Variants in ZMYND11 observed in about 807,000 individuals in gnomAD.
The protein encoded by ZMYND11 is zinc finger MYND domain-containing protein 11.
A neutral mutation model predicts 84.9 loss-of-function variants in ZMYND11; 9 were observed. That is an observed-to-expected ratio of 0.11 (90% CI 0.06 to 0.18). ZMYND11 has a LOEUF of 0.18. ZMYND11 is among the 10% of genes least tolerant of loss of function. ZMYND11 has a pLI of 1.00. For synonymous variants in ZMYND11, 250 were observed against 244.1 expected (o/e 1.02, Z -0.23); for missense variants, 409 against 761.0 (o/e 0.54, Z 5.44).
intron 2 of ZMYND11, among the ~76,000 whole-genome samples, chr10:195,131 CTG>C (rs1320005670): frequency 6.6e-6 from 1 of 152,164 alleles, no homozygotes; most frequent in African/African-American, 2.4e-5. Context: ...TACTGCAAAA[CTG>C]AAATAATAGC....
intron 1 of ZMYND11, among the ~76,000 whole-genome samples, chr10:179,138 G>C (rs1043700017): frequency 6.6e-6 from 1 of 152,142 alleles, no homozygotes; most frequent in Non-Finnish European, 1.5e-5. Flanking sequence ...CCCAATGCTA[G>C]GATTCATGAC....
intron 2 of ZMYND11, among the ~76,000 whole-genome samples, chr10:199,386 T>A (rs1434134524): frequency 6.7e-6 from 1 of 150,318 alleles, no homozygotes; most frequent in Non-Finnish European, 1.5e-5. Context: ...TGTATATGCA[T>A]ATATAATTTT....
Position 215,386 on chromosome 10 carries a change from A to T in ZMYND11, c.276+5338A>T, listed in dbSNP as rs1946008956. Among the ~76,000 whole-genome samples the T allele has an allele frequency of 2.0e-5, 3 of 152,150 alleles. No homozygotes were observed. In the South Asian group the frequency reaches 6.2e-4, roughly 32 times the overall value. On this transcript the variant is annotated intron_variant, in intron 3 of 14. Coordinates refer to ENST00000381604, the MANE Select transcript of ZMYND11 (RefSeq NM_001370100.5). Reference sequence around the variant, plus strand: ...CTACCAGGTTTGGTCTCACAGCCTCATTTCCTTGTCACAGTTAATGCCAGG... The same window carrying T: ...CTACCAGGTTTGGTCTCACAGCCTCTTTTCCTTGTCACAGTTAATGCCAGG...
chr10:162,407 T>C (rs1471949197), intron 1 of ZMYND11, among the ~76,000 whole-genome samples: 1 of 152,052 alleles, frequency 6.6e-6, no homozygotes, highest in Non-Finnish European at 1.5e-5. Context: ...AAAAGGGCAG[T>C]AGACTTGCTT....
At chr10:187,109 G>T (rs992636877) in intron 2 of ZMYND11, among the ~76,000 whole-genome samples, 1 of 151,974 alleles carries the variant, frequency 6.6e-6, no homozygotes, top group African/African-American at 2.4e-5. Context: ...CGTGCCTGTA[G>T]TCTCAGCTTC....
rs116811197 is a variant in ZMYND11, at chr10:197,154, A to G, written c.117-12735A>G. Among the ~76,000 whole-genome samples, 445 of 150,858 alleles carry G rather than the reference A, an allele frequency of 2.9e-3. 2 individuals carry two copies. Among genetic ancestry groups the G allele is most frequent in the African/African-American group, 0.01 (424 of 40,678 alleles). ...GTGCACATTGTATTCATGTATGTGT[A>G]TCAATACATACGCGTGGAAAGTGGA... On this transcript the variant is annotated intron_variant, in intron 2 of 14. Transcript: ENST00000381604.
Position 210,057 on chromosome 10 carries a change from A to G in ZMYND11, c.276+9A>G. On this transcript the variant is annotated intron_variant, in intron 3 of 14. Transcript: ENST00000381604. ...TGCCAGGAGATGAGATTGTAAGTAC[A>G]TTTTATTTGATAAACATAGAGATGT... 1.9e-6 allele frequency: 3 copies of G among 1,613,686 alleles called. No individual in the cohort carries two copies. The highest frequency in any genetic ancestry group is 1.1e-5 in the South Asian group (1 of 91,052).
intron 4 of ZMYND11, among the ~76,000 whole-genome samples, chr10:226,131 T>C (rs1463759591): frequency 6.6e-6 from 1 of 152,188 alleles, no homozygotes; most frequent in African/African-American, 2.4e-5. Context: ...TACTGATCTC[T>C]TGAGAGTGCC....
chr10:206,753 T>C (rs2379078), intron 2 of ZMYND11, among the ~76,000 whole-genome samples: 44,337 of 152,102 alleles, frequency 0.29, 6,932 homozygotes, highest in East Asian at 0.48. Context: ...GTACTACGCC[T>C]TCTGTTTTTA....
intron 4 of ZMYND11, among the ~76,000 whole-genome samples, chr10:235,422 A>G (rs1342689269): frequency 6.6e-6 from 1 of 151,750 alleles, no homozygotes; most frequent in Non-Finnish European, 1.5e-5. Flanking sequence ...CCCCCACCAG[A>G]AAAAAAGATT....
At chr10:137,201 A>C (rs1217804280) in intron 1 of ZMYND11, among the ~76,000 whole-genome samples, 1 of 151,962 alleles carries the variant, frequency 6.6e-6, no homozygotes, top group Non-Finnish European at 1.5e-5. Context: ...CACAGTACCC[A>C]CTGTCATATT....
upstream of ZMYND11, among the ~76,000 whole-genome samples, chr10:133,180 C>A (rs554342032): frequency 6.6e-6 from 1 of 152,316 alleles, no homozygotes; most frequent in African/African-American, 2.4e-5. Context: ...ATTTCGCTAA[C>A]CATCAGTAGC....
In ZMYND11 at chr10:246,995, A is replaced by G. The variant is rs1259920289; in HGVS notation, c.1158+22A>G. The stretch of plus-strand genomic sequence containing the variant: ...GCAGGTGAGTGTGTCTCCGGAAGGA[A>G]GTGCCTATTCATTATTACTTTTAAA... On this transcript the variant is annotated intron_variant, in intron 11 of 14. Coordinates refer to ENST00000381604, the MANE Select transcript of ZMYND11 (RefSeq NM_001370100.5). 2.5e-6 allele frequency: 4 copies of G among 1,572,868 alleles called. No homozygotes were observed. In the African/African-American group the frequency reaches 5.4e-5, roughly 21 times the overall value.
At chr10:168,635 A>G (rs1286913390) in intron 1 of ZMYND11, among the ~76,000 whole-genome samples, 1 of 152,154 alleles carries the variant, frequency 6.6e-6, no homozygotes, top group Admixed American at 6.5e-5. Context: ...ATAAGTAACC[A>G]TGCTGTCCTA....
intron 1 of ZMYND11, chr10:148,427 TGGGAAGAAGTCCTAACTTCCTTTGCTCA>T (rs1554756011): frequency 1.3e-5 from 2 of 152,194 alleles, no homozygotes; most frequent in Non-Finnish European, 2.9e-5. Context: ...TCCTTTGCTC[TGGGAAGAAGTCCTAACTTCCTTTGCTCA>T]GGGAAGAAGT....
At chr10:198,220 C>T (rs1289118107) in intron 2 of ZMYND11, among the ~76,000 whole-genome samples, 3 of 151,898 alleles carry the variant, frequency 2.0e-5, no homozygotes, top group Admixed American at 6.6e-5. Context: ...CAAATGAAAA[C>T]TTTGCCTGTT....
intron 1 of ZMYND11, among the ~76,000 whole-genome samples, chr10:145,242 G>T (rs1838524823): frequency 6.7e-6 from 1 of 150,346 alleles, no homozygotes. Flanking sequence ...ATATGTGTGT[G>T]TATGTATATA....
intron 1 of ZMYND11, among the ~76,000 whole-genome samples, chr10:151,408 C>T (rs946557750): frequency 6.6e-5 from 10 of 152,094 alleles, no homozygotes; most frequent in African/African-American, 1.9e-4. Flanking sequence ...ATGAGAACTA[C>T]GTGACGAATG....
chr10:130,802 A>G (rs924944463), upstream of ZMYND11, among the ~76,000 whole-genome samples: 1 of 152,222 alleles, frequency 6.6e-6, no homozygotes, highest in Non-Finnish European at 1.5e-5. Flanking sequence ...GCACTAGTGC[A>G]TATTCTTCTA....
Sources: allele counts gnomAD v4.1 joint callset (sites outside exome capture counted in the v4.1 genomes callset), GRCh38; gene constraint gnomAD v4.1.1; transcripts MANE v1.5; gene names NCBI Gene and HGNC (gene_info 2026-07-23, HGNC 2026-07-21).